The following DESI2 variants were observed in gnomAD, a reference collection of about 807,000 sequenced individuals.
The protein encoded by DESI2 is deubiquitinase DESI2.
A neutral mutation model predicts 24.1 loss-of-function variants in DESI2; 10 were observed. That is an observed-to-expected ratio of 0.41 (90% CI 0.26 to 0.70). The LOEUF is 0.70. Ranked by LOEUF, DESI2 falls within the 30% of genes least tolerant of loss-of-function variation. The probability of loss-of-function intolerance (pLI) is 0.29; values close to 1 mark genes in which losing one functional copy is unlikely to be tolerated. For synonymous variants in DESI2, 71 were observed against 87.7 expected (o/e 0.81, Z 1.06); for missense variants, 122 against 234.9 (o/e 0.52, Z 3.14).
intron 4 of DESI2, among the ~76,000 whole-genome samples, chr1:244,703,909 C>T (rs12057485): frequency 0.26 from 40,068 of 151,896 alleles, 5,426 homozygotes; most frequent in South Asian, 0.33. Context: ...CTGCCCGCCT[C>T]GGCCTCCCAA....
intron 1 of DESI2, among the ~76,000 whole-genome samples, chr1:244,660,867 C>T (rs777808359): frequency 6.6e-6 from 1 of 152,154 alleles, no homozygotes; most frequent in African/African-American, 2.4e-5. Flanking sequence ...TATTACCACA[C>T]TGTTTTAATT....
At chr1:244,685,036 C>T (rs1255871594) in intron 1 of DESI2, among the ~76,000 whole-genome samples, 1 of 152,122 alleles carries the variant, frequency 6.6e-6, no homozygotes, top group Admixed American at 6.6e-5. Context: ...CAAAAAATTC[C>T]GATCAAGAGG....
chr1:244,690,428 G>A (rs1305532417), intron 3 of DESI2, among the ~76,000 whole-genome samples: 1 of 152,102 alleles, frequency 6.6e-6, no homozygotes, highest in Non-Finnish European at 1.5e-5. Flanking sequence ...ATTTAGGGCC[G>A]GGTGCAGTGG....
intron 1 of DESI2, among the ~76,000 whole-genome samples, chr1:244,684,019 A>C (rs1676728602): frequency 6.6e-6 from 1 of 151,848 alleles, no homozygotes; most frequent in African/African-American, 2.4e-5. Context: ...CCCTCTTTTT[A>C]TGGCTAAAGA....
intron 1 of DESI2, among the ~76,000 whole-genome samples, chr1:244,667,582 G>C (rs1037298559): frequency 6.6e-6 from 1 of 152,202 alleles, no homozygotes; most frequent in East Asian, 1.9e-4. Context: ...AGCTAAAAAG[G>C]GGGTAGGATA....
intron 4 of DESI2, among the ~76,000 whole-genome samples, chr1:244,699,225 T>C (rs1256791232): frequency 6.6e-6 from 1 of 152,200 alleles, no homozygotes; most frequent in Non-Finnish European, 1.5e-5. Context: ...TGAAATATTT[T>C]GAAAATTCAG....
intron 1 of DESI2, among the ~76,000 whole-genome samples, chr1:244,685,763 T>G (rs1281838880): frequency 6.6e-6 from 1 of 152,376 alleles, no homozygotes; most frequent in African/African-American, 2.4e-5. Flanking sequence ...AATAGGTTTG[T>G]AACACTTTTG....
chr1:244,703,160 C>T (rs1224247441), intron 4 of DESI2, among the ~76,000 whole-genome samples: 3 of 151,892 alleles, frequency 2.0e-5, no homozygotes, highest in Non-Finnish European at 4.4e-5. Context: ...TGCCACCACA[C>T]CTGGCTAATT....
Position 244,708,386 on chromosome 1 carries a change from G to C in DESI2, c.*2597G>C, listed in dbSNP as rs987245139. ...CTGTAGGAGTGTAGAAGGCAGTGGTGTATGATCTTAGCCTCGTCCTGATGC... is the reference window on the plus strand; with the variant it reads ...CTGTAGGAGTGTAGAAGGCAGTGGTCTATGATCTTAGCCTCGTCCTGATGC... On this transcript the variant is annotated 3_prime_UTR_variant, in exon 5 of 5. Coordinates refer to ENST00000302550, the MANE Select transcript of DESI2 (RefSeq NM_016076.5). The C allele has an allele frequency of 3.3e-5, 5 of 152,554 alleles. No individual in the cohort carries two copies. In the Admixed American group the frequency reaches 3.3e-4, roughly 10 times the overall value. 9.5% of individuals were successfully genotyped at this position (152,554 alleles called of 1,614,324 possible). A position where few individuals can be genotyped will look rare whatever the true frequency, so the allele number is the denominator to read the frequency against.
intron 1 of DESI2, among the ~76,000 whole-genome samples, chr1:244,661,936 G>A (rs1675860665): frequency 6.6e-6 from 1 of 152,188 alleles, no homozygotes; most frequent in Non-Finnish European, 1.5e-5. Flanking sequence ...GTAATGGGAT[G>A]GCTGGGTCAA....
At position 244,687,115 on chromosome 1, in the gene DESI2, AAATT is replaced by A. The variant is rs1227035621; in HGVS notation, c.115+447_115+450del. Among the ~76,000 whole-genome samples the A allele has an allele frequency of 3.3e-5, 5 of 152,178 alleles. No homozygotes were observed. In the South Asian group the frequency reaches 1.0e-3, roughly 32 times the overall value. On this transcript the variant is annotated intron_variant, in intron 2 of 4. Transcript: ENST00000302550. ...AATTTCCTGAGGGAATTTCAGTAAT[AAATT>A]TGGTTTGTAGACCTATACGTCTTAT...
intron 4 of DESI2, among the ~76,000 whole-genome samples, chr1:244,698,840 G>T (rs974177141): frequency 6.6e-6 from 1 of 152,206 alleles, no homozygotes; most frequent in African/African-American, 2.4e-5. Flanking sequence ...GGGACCATAC[G>T]AAGTCGAACT....
chr1:244,695,700 A>G (rs1425047925), intron 4 of DESI2, among the ~76,000 whole-genome samples: 1 of 152,220 alleles, frequency 6.6e-6, no homozygotes, highest in African/African-American at 2.4e-5. Flanking sequence ...TTCAAAACAT[A>G]TAAAAGTAGA....
intron 4 of DESI2, among the ~76,000 whole-genome samples, chr1:244,692,790 C>A (rs191454905): frequency 2.1e-3 from 313 of 152,280 alleles, no homozygotes; most frequent in African/African-American, 7.3e-3. Context: ...TACCATGCTA[C>A]TCAAAGTGTG....
At position 244,706,447 on chromosome 1, in the gene DESI2, T is replaced by C. The variant is rs1186315935; in HGVS notation, c.*658T>C. On this transcript the variant is annotated 3_prime_UTR_variant, in exon 5 of 5. Transcript: ENST00000302550. Reference sequence around the variant, plus strand: ...GGAACACCTGCTTTCATCCCAAATATCCGTCCACCTAGGCGGGGTGGTATG... The same window carrying C: ...GGAACACCTGCTTTCATCCCAAATACCCGTCCACCTAGGCGGGGTGGTATG... 2 of 152,828 alleles carry C rather than the reference T, an allele frequency of 1.3e-5. No individual in the cohort carries two copies. The highest frequency in any genetic ancestry group is 4.8e-5 in the African/African-American group (2 of 41,460). The allele number at this position is 152,828 out of a possible 1,614,324, so 9.5% of individuals were successfully genotyped here.
At chr1:244,677,234 T>G (rs1308312663) in intron 1 of DESI2, among the ~76,000 whole-genome samples, 1 of 152,214 alleles carries the variant, frequency 6.6e-6, no homozygotes, top group East Asian at 1.9e-4. Context: ...TTCATTCTTT[T>G]CTCATTAGAG....
At chr1:244,699,141 T>C (rs1272930921) in intron 4 of DESI2, among the ~76,000 whole-genome samples, 1 of 152,160 alleles carries the variant, frequency 6.6e-6, no homozygotes, top group African/African-American at 2.4e-5. Flanking sequence ...TCTCCAGAAA[T>C]GGAATGATGC....
chr1:244,687,645 C>G (rs115697288), intron 2 of DESI2, among the ~76,000 whole-genome samples: 4,559 of 152,176 alleles, frequency 0.03, 88 homozygotes, highest in South Asian at 0.05. Context: ...TCCATTTTAC[C>G]TGCTTCCAGG....
chr1:244,663,887 G>A (rs528330070), intron 1 of DESI2, among the ~76,000 whole-genome samples: 15 of 152,022 alleles, frequency 9.9e-5, no homozygotes, highest in African/African-American at 3.1e-4. Context: ...GCGTGGTGGC[G>A]GGCGCCTGTA....
Sources: allele counts gnomAD v4.1 joint callset (sites outside exome capture counted in the v4.1 genomes callset), GRCh38; gene constraint gnomAD v4.1.1; transcripts MANE v1.5; gene names NCBI Gene and HGNC (gene_info 2026-07-23, HGNC 2026-07-21).